CCSER1: variants seen among roughly 807,000 people sequenced by gnomAD.
CCSER1 encodes coiled-coil serine rich protein 1.
A neutral mutation model predicts 82.0 loss-of-function variants in CCSER1; 41 were observed. That is an observed-to-expected ratio of 0.50 (90% CI 0.39 to 0.65). The LOEUF is 0.65. Among genes scored for constraint, CCSER1 ranks in the 30% least tolerant of loss-of-function variants. The pLI, the probability that CCSER1 is intolerant of heterozygous loss-of-function variation, is 0.00. For missense variants in CCSER1, 1,119 were observed against 1,064.2 expected (o/e 1.05, Z -0.72); for synonymous variants, 414 against 383.9 (o/e 1.08, Z -0.92).
intron 1 of CCSER1, among the ~76,000 whole-genome samples, chr4:90,172,041 G>A (rs2153378360): frequency 6.6e-6 from 1 of 152,022 alleles, no homozygotes; most frequent in South Asian, 2.1e-4. Context: ...CCCAGGTTCT[G>A]TAGGTGGGAA....
intron 10 of CCSER1, among the ~76,000 whole-genome samples, chr4:91,548,790 G>C (rs1241180624): frequency 2.0e-5 from 3 of 151,750 alleles, no homozygotes; most frequent in Non-Finnish European, 4.4e-5. Flanking sequence ...CTTCTTTTGT[G>C]ACTTCATTAT....
At chr4:91,511,627 G>A (rs2110116728) in intron 10 of CCSER1, among the ~76,000 whole-genome samples, 1 of 152,164 alleles carries the variant, frequency 6.6e-6, no homozygotes, top group Admixed American at 6.6e-5. Flanking sequence ...CAGATCAATG[G>A]TGGCATTAGA....
intron 10 of CCSER1, among the ~76,000 whole-genome samples, chr4:91,333,592 A>T (rs1747107758): frequency 6.6e-6 from 1 of 152,080 alleles, no homozygotes; most frequent in South Asian, 2.1e-4. Flanking sequence ...GCTTTCAGAT[A>T]TGGAAGCAGA....
chr4:90,558,483 T>C (rs1026416785), intron 5 of CCSER1, among the ~76,000 whole-genome samples: 4 of 152,054 alleles, frequency 2.6e-5, no homozygotes, highest in African/African-American at 9.7e-5. Context: ...CCTATATTGG[T>C]TCATTGGTCC....
intron 10 of CCSER1, among the ~76,000 whole-genome samples, chr4:91,102,720 G>A (rs1485193072): frequency 6.6e-6 from 1 of 152,140 alleles, no homozygotes; most frequent in Non-Finnish European, 1.5e-5. Flanking sequence ...GTGTTTTTGT[G>A]TGTGCAACTG....
At chr4:90,220,977 G>A (rs959674624) in intron 1 of CCSER1, among the ~76,000 whole-genome samples, 3 of 151,880 alleles carry the variant, frequency 2.0e-5, no homozygotes, top group Admixed American at 6.6e-5. Context: ...AAATAATTTG[G>A]CAATTTTTTG....
At chr4:90,215,357 C>T (rs1284780333) in intron 1 of CCSER1, among the ~76,000 whole-genome samples, 1 of 152,174 alleles carries the variant, frequency 6.6e-6, no homozygotes, top group Non-Finnish European at 1.5e-5. Context: ...AAAGTCCTTT[C>T]ACCAAAGTAT....
At chr4:90,858,252 G>A (rs184771498) in intron 8 of CCSER1, among the ~76,000 whole-genome samples, 123 of 152,022 alleles carry the variant, frequency 8.1e-4, no homozygotes, top group African/African-American at 2.4e-3. Context: ...TCCTAAGAAC[G>A]TAGTTGCCCA....
At chr4:90,611,969 G>C (rs1785558720) in intron 5 of CCSER1, among the ~76,000 whole-genome samples, 1 of 151,176 alleles carries the variant, frequency 6.6e-6, no homozygotes, top group South Asian at 2.1e-4. Context: ...AATTTTTCCT[G>C]ACTTTTTACA....
At chr4:90,742,262 G>T (rs1409522312) in intron 7 of CCSER1, among the ~76,000 whole-genome samples, 1 of 152,066 alleles carries the variant, frequency 6.6e-6, no homozygotes, top group East Asian at 1.9e-4. Context: ...ATGAGATTTG[G>T]GTGGGGAAAC....
At chr4:91,150,406 A>G (rs1318613660) in intron 10 of CCSER1, among the ~76,000 whole-genome samples, 1 of 152,192 alleles carries the variant, frequency 6.6e-6, no homozygotes, top group South Asian at 2.1e-4. Flanking sequence ...TTCTAAATAT[A>G]CAATCATGTC....
At position 91,261,315 on chromosome 4, in the gene CCSER1, G is replaced by A. The variant is rs187192852; in HGVS notation, c.2217+175321G>A. Among the ~76,000 whole-genome samples the A allele has an allele frequency of 1.2e-3, 176 of 152,222 alleles. 4 individuals are homozygous for A. The highest frequency in any genetic ancestry group is 1.8e-3 in the Non-Finnish European group (121 of 68,000). On this transcript the variant is annotated intron_variant, in intron 10 of 10. Transcript: ENST00000509176. Reference sequence around the variant, plus strand: ...ACACCTAGCATTAGCTTTGACTGTCGATCAAGTTCTTAGGTCAATTCCAAA... The same window carrying A: ...ACACCTAGCATTAGCTTTGACTGTCAATCAAGTTCTTAGGTCAATTCCAAA...
At chr4:91,351,302 C>T (rs969360822) in intron 10 of CCSER1, among the ~76,000 whole-genome samples, 11 of 151,938 alleles carry the variant, frequency 7.2e-5, no homozygotes, top group African/African-American at 2.7e-4. Context: ...AAAAGTGTGA[C>T]TGGAAGGTCA....
chr4:90,670,003 C>T (rs1213918869), intron 6 of CCSER1, among the ~76,000 whole-genome samples: 1 of 151,956 alleles, frequency 6.6e-6, no homozygotes, highest in Non-Finnish European at 1.5e-5. Flanking sequence ...AGTAATAGGG[C>T]TATGAGAAAA....
At chr4:90,788,384 T>A (rs1277468406) in intron 7 of CCSER1, among the ~76,000 whole-genome samples, 2 of 152,128 alleles carry the variant, frequency 1.3e-5, no homozygotes, top group Non-Finnish European at 2.9e-5. Flanking sequence ...ACAATGGAAA[T>A]CTATTGTCAC....
intron 1 of CCSER1, among the ~76,000 whole-genome samples, chr4:90,173,330 GT>G (rs1000660475): frequency 2.2e-5 from 3 of 134,692 alleles, no homozygotes; most frequent in African/African-American, 6.2e-5. Flanking sequence ...CTGCAATTGT[GT>G]TTTTTTTCAA....
intron 4 of CCSER1, among the ~76,000 whole-genome samples, chr4:90,441,490 C>A (rs1759873340): frequency 6.6e-6 from 1 of 151,626 alleles, no homozygotes; most frequent in Admixed American, 6.6e-5. Flanking sequence ...TTTTTAAGGG[C>A]ACTAATTCCA....
chr4:90,419,081 C>G (rs1756266632), intron 4 of CCSER1, among the ~76,000 whole-genome samples: 1 of 151,994 alleles, frequency 6.6e-6, no homozygotes, highest in African/African-American at 2.4e-5. Context: ...CTTACTGTTT[C>G]CACTATAAAA....
intron 10 of CCSER1, among the ~76,000 whole-genome samples, chr4:91,524,184 C>T (rs373894550): frequency 6.6e-6 from 1 of 152,150 alleles, no homozygotes; most frequent in East Asian, 1.9e-4. Flanking sequence ...GTTTCCACTA[C>T]GTTGAAGGAT....
Sources: allele counts gnomAD v4.1 joint callset (sites outside exome capture counted in the v4.1 genomes callset), GRCh38; gene constraint gnomAD v4.1.1; transcripts MANE v1.5; gene names NCBI Gene and HGNC (gene_info 2026-07-23, HGNC 2026-07-21).